Variants in SFSWAP observed in about 807,000 individuals in gnomAD.
SFSWAP encodes the protein splicing factor SWAP.
A neutral mutation model predicts 100.7 loss-of-function variants in SFSWAP; 17 were observed. The observed-to-expected ratio is 0.17, with a 90% CI of 0.12 to 0.25. The LOEUF is 0.25. Among genes scored for constraint, SFSWAP ranks in the 10% least tolerant of loss-of-function variants. The pLI is 1.00. For synonymous variants in SFSWAP, 504 were observed against 510.1 expected, an observed-to-expected ratio of 0.99 and a Z score of 0.16; for missense variants, 1,005 against 1,262.6, an observed-to-expected ratio of 0.80 and a Z score of 3.09.
intron 7 of SFSWAP, among the ~76,000 whole-genome samples, chr12:131,735,103 G>A (rs555672109): frequency 6.6e-6 from 1 of 152,332 alleles, no homozygotes; most frequent in South Asian, 2.1e-4. Flanking sequence ...AGGCTTTCCT[G>A]GCTGAAAGCA....
At chr12:131,719,136 G>A (rs1286785686) in intron 3 of SFSWAP, among the ~76,000 whole-genome samples, 2 of 152,074 alleles carry the variant, frequency 1.3e-5, no homozygotes, top group African/African-American at 2.4e-5. Context: ...ATTCGAGCAC[G>A]TGTGGATATT....
In SFSWAP at chr12:131,733,960, C is replaced by T. The variant is rs1879756341; in HGVS notation, c.1081+5532C>T. ...ACACACATGGGAGCCCTGAGCCCACCCTGGGGCAGGGTGACACATGGGAGC... is the reference window on the plus strand; with the variant it reads ...ACACACATGGGAGCCCTGAGCCCACTCTGGGGCAGGGTGACACATGGGAGC... On this transcript the variant is annotated intron_variant, in intron 7 of 17. Transcript: ENST00000261674. The surrounding 1 kb of genome is among the most constrained non-coding windows in gnomAD (Gnocchi z 5.1). Among the ~76,000 whole-genome samples the T allele has an allele frequency of 6.6e-6, 1 of 152,186 alleles. No individual in the cohort carries two copies. Among genetic ancestry groups the T allele is most frequent in the East Asian group, 1.9e-4 (1 of 5,190 alleles).
intron 11 of SFSWAP, among the ~76,000 whole-genome samples, chr12:131,761,004 G>A (rs1461313970): frequency 8.5e-5 from 13 of 152,248 alleles, no homozygotes; most frequent in African/African-American, 2.9e-4. Flanking sequence ...ACTGGAAGGT[G>A]GAAGTTGCAG....
chr12:131,785,772 A>G (rs2136270492), intron 14 of SFSWAP: 1 of 153,486 alleles, frequency 6.5e-6, no homozygotes, highest in Non-Finnish European at 1.5e-5. Flanking sequence ...GTGAAATCGC[A>G]TAAACTTAAG....
In SFSWAP at chr12:131,728,170, C is replaced by T. The variant is rs570447318; in HGVS notation, c.946-123C>T. 5.5e-5 allele frequency: 59 copies of T among 1,063,704 alleles called. No individual in the cohort carries two copies. The Admixed American group carries it at 9.7e-4, about 17-fold the overall frequency. The allele number at this position is 1,063,704 out of a possible 1,614,324, so 65.9% of individuals were successfully genotyped here. A position where few individuals can be genotyped will look rare whatever the true frequency, so the allele number is the denominator to read the frequency against. Reference sequence around the variant, plus strand: ...CAACTCGTTAGGACCTCCATGGGTGCGTGCATGTGTGTGTTTTTTCTAAGG... The same window carrying T: ...CAACTCGTTAGGACCTCCATGGGTGTGTGCATGTGTGTGTTTTTTCTAAGG... On this transcript the variant is annotated intron_variant, in intron 6 of 17. Transcript: ENST00000261674.
intron 4 of SFSWAP, among the ~76,000 whole-genome samples, chr12:131,724,861 G>T (rs531263708): frequency 3.9e-5 from 6 of 152,354 alleles, no homozygotes; most frequent in African/African-American, 1.4e-4. Context: ...AACTGTGCAG[G>T]GGCTGGGGAG....
intron 7 of SFSWAP, among the ~76,000 whole-genome samples, chr12:131,738,365 C>T (rs1159671563): frequency 2.6e-5 from 4 of 152,186 alleles, no homozygotes; most frequent in African/African-American, 9.7e-5. Flanking sequence ...AAGTGGAAAA[C>T]ACTGAGGTCA....
chr12:131,780,116 T>G (rs756393083), intron 14 of SFSWAP, among the ~76,000 whole-genome samples: 2 of 152,212 alleles, frequency 1.3e-5, no homozygotes, highest in Non-Finnish European at 2.9e-5. Context: ...TGGCCAACAC[T>G]TAAAGTTTGA....
intron 3 of SFSWAP, among the ~76,000 whole-genome samples, chr12:131,718,337 C>T (rs1878128654): frequency 6.6e-6 from 1 of 152,142 alleles, no homozygotes; most frequent in Non-Finnish European, 1.5e-5. Flanking sequence ...TTAATGTCAT[C>T]TGTTTGGAAA....
Position 131,730,186 on chromosome 12 carries a change from T to G in SFSWAP, c.1081+1758T>G, listed in dbSNP as rs1246976983. 6.6e-6 allele frequency among the ~76,000 whole-genome samples: 1 copy of G among 152,118 alleles called. No homozygotes were observed. Among genetic ancestry groups the G allele is most frequent in the Non-Finnish European group, 1.5e-5 (1 of 68,018 alleles). On this transcript the variant is annotated intron_variant, in intron 7 of 17. Transcript: ENST00000261674. This position sits in a 1 kb window ranked among gnomAD's most constrained non-coding sequence, Gnocchi z 4.0. ...TTTTTGGATAGACGGCCGCACACCT[T>G]TAAGTCTTGAGCCCCACTCGGCAGC... is the stretch of plus-strand genomic sequence containing the variant.
At chr12:131,740,412 A>G (rs1254026200) in intron 7 of SFSWAP, among the ~76,000 whole-genome samples, 1 of 152,166 alleles carries the variant, frequency 6.6e-6, no homozygotes, top group African/African-American at 2.4e-5. Context: ...CATCTGAGGA[A>G]GTCTTGCTTT....
At chr12:131,736,489 A>T (rs1302088348) in intron 7 of SFSWAP, among the ~76,000 whole-genome samples, 1 of 152,220 alleles carries the variant, frequency 6.6e-6, no homozygotes, top group Non-Finnish European at 1.5e-5. Flanking sequence ...TAGAAAAAAG[A>T]TCTGCAGTGC....
chr12:131,738,621 T>C (rs919654437), intron 7 of SFSWAP, among the ~76,000 whole-genome samples: 12 of 152,228 alleles, frequency 7.9e-5, no homozygotes, highest in African/African-American at 2.9e-4. Context: ...AGGAGAACAT[T>C]GAGAGGTTGT....
intron 11 of SFSWAP, among the ~76,000 whole-genome samples, chr12:131,759,627 G>A (rs550376343): frequency 1.3e-5 from 2 of 151,192 alleles, no homozygotes; most frequent in African/African-American, 2.4e-5. Context: ...GTGAAACCCC[G>A]TCTCTACTAA....
chr12:131,779,994 C>T (rs890134508), intron 14 of SFSWAP, among the ~76,000 whole-genome samples: 15 of 152,202 alleles, frequency 9.9e-5, no homozygotes, highest in Admixed American at 3.9e-4. Context: ...CCATGTTGGC[C>T]AGGCTGGTCT....
intron 16 of SFSWAP, among the ~76,000 whole-genome samples, chr12:131,797,726 G>A (rs1340703412): frequency 6.6e-6 from 1 of 152,130 alleles, no homozygotes; most frequent in Non-Finnish European, 1.5e-5. Context: ...CGTGGCTGGA[G>A]CAGGTCCCCA....
chr12:131,776,124 A>C (rs536072131), intron 13 of SFSWAP, among the ~76,000 whole-genome samples: 1 of 152,306 alleles, frequency 6.6e-6, no homozygotes, highest in East Asian at 1.9e-4. Context: ...ATAATAAAAT[A>C]TTTAAAAGTT....
intron 7 of SFSWAP, among the ~76,000 whole-genome samples, chr12:131,750,921 A>G (rs115617094): frequency 0.014 from 2,082 of 152,168 alleles, 47 homozygotes; most frequent in African/African-American, 0.046. Flanking sequence ...GCATCCTCCC[A>G]CCTCAGCCTA....
At chr12:131,796,298 A>C (rs1254122046) in intron 15 of SFSWAP, 1 of 152,340 alleles carries the variant, frequency 6.6e-6, no homozygotes, top group Non-Finnish European at 1.5e-5. Flanking sequence ...GGGAGTGGCC[A>C]AGACAGCCAC....
Sources: gnomAD v4.1 joint callset for allele counts (sites outside exome capture counted in the v4.1 genomes callset) on GRCh38, gnomAD v4.1.1 for gene constraint, Gnocchi (gnomAD v3.1) non-coding constraint, MANE v1.5 for transcripts, NCBI Gene and HGNC (gene_info 2026-07-23, HGNC 2026-07-21) for gene names.